ZNF717: variants seen among roughly 807,000 people sequenced by gnomAD.
The protein encoded by ZNF717 is krueppel-like factor X17.
ZNF717 carries 9 observed loss-of-function variants against 13.8 expected under a neutral mutation model. That is an observed-to-expected ratio of 0.65 (90% CI 0.39 to 1.14). The LOEUF (loss-of-function observed/expected upper bound fraction) is 1.14, where lower values mean the gene tolerates loss of function less well. Among genes scored for constraint, ZNF717 ranks in the 50% most tolerant of loss-of-function variants. ZNF717 has a pLI of 0.01. For missense variants in ZNF717, 1,040 were observed against 1,080.7 expected, an observed-to-expected ratio of 0.96 and a Z score of 0.53; for synonymous variants, 327 against 364.1, an observed-to-expected ratio of 0.90 and a Z score of 1.16.
intron 2 of ZNF717, among the ~76,000 whole-genome samples, chr3:75,777,213 T>C (rs1944386762): frequency 6.6e-6 from 1 of 152,192 alleles, no homozygotes; most frequent in Non-Finnish European, 1.5e-5. Flanking sequence ...CCCAAAACAA[T>C]GGGAGTGACA....
At chr3:75,733,855 A>G (rs112920597), downstream of ZNF717, among the ~76,000 whole-genome samples, 1,173 of 116,820 alleles carry the variant, frequency 0.01, no homozygotes, top group South Asian at 0.017. Context: ...ATGACATATT[A>G]AACATGCTGA....
intron 2 of ZNF717, among the ~76,000 whole-genome samples, chr3:75,755,227 A>G (rs200172122): frequency 6.6e-6 from 1 of 152,202 alleles, no homozygotes; most frequent in Non-Finnish European, 1.5e-5. Flanking sequence ...CAAAAGATAT[A>G]TAACTGAAAC....
chr3:75,741,763 T>G, intron 2 of ZNF717, 27 bp from the exon 3 acceptor site: 1 of 1,567,502 alleles, frequency 6.4e-7, no homozygotes, highest in Non-Finnish European at 8.6e-7. Context: ...CTGTTGTAGG[T>G]CTCCAGCATC....
intron 2 of ZNF717, among the ~76,000 whole-genome samples, chr3:75,742,946 T>A (rs1940664085): frequency 1.3e-5 from 2 of 152,220 alleles, no homozygotes; most frequent in South Asian, 2.1e-4. Flanking sequence ...TGATGAAACA[T>A]GTATATCACA....
rs150908232 is a variant in ZNF717, at chr3:75,779,522, C to T, written c.57+3784G>A. Among the ~76,000 whole-genome samples the T allele has an allele frequency of 9.7e-3, 1,448 of 149,478 alleles. 28 individuals carry two copies. The highest frequency in any genetic ancestry group is 0.035 in the African/African-American group (1,402 of 40,482). On this transcript the variant is annotated intron_variant, in intron 2 of 4. Coordinates refer to ENST00000652011, the MANE Select transcript of ZNF717 (RefSeq NM_001290208.3). ...GGAGTGACGTGCAAAAACCAGAACC[C>T]AAAACAATGGGAGTGTCCTGCTAAA... is the stretch of plus-strand genomic sequence containing the variant.
At chr3:75,704,528 C>T (rs1196035537) in intron 6 of ZNF717, among the ~76,000 whole-genome samples, 2 of 152,282 alleles carry the variant, frequency 1.3e-5, no homozygotes, top group Admixed American at 1.3e-4. Context: ...GTGAGAGACT[C>T]AGCCCCAAAA....
chr3:75,755,393 T>TG (rs1187563946), intron 2 of ZNF717, among the ~76,000 whole-genome samples: 4 of 151,950 alleles, frequency 2.6e-5, no homozygotes, highest in African/African-American at 9.7e-5. Context: ...GTGAAATGAG[T>TG]AACACTAATA....
At chr3:75,748,236 T>C (rs1407987265) in intron 2 of ZNF717, among the ~76,000 whole-genome samples, 1 of 152,118 alleles carries the variant, frequency 6.6e-6, no homozygotes, top group Non-Finnish European at 1.5e-5. Flanking sequence ...CCAGACGGAA[T>C]CACAGCTGAA....
chr3:75,711,449 CAGCTT>C lies in ZNF717; in HGVS notation n.668-138_668-134del, dbSNP rs1937935734. On this transcript the variant is annotated intron_variant and non_coding_transcript_variant, in intron 5 of 5. Coordinates refer to the ZNF717 transcript ENST00000491507. ...TTGATTAACAGTTTTATAAATCCAT[CAGCTT>C]ATTTATTTGAGCTCTGGAGATTTTT... 2.4e-5 allele frequency: 3 copies of C among 123,780 alleles called. No homozygotes were observed. In the South Asian group the frequency reaches 1.0e-3, roughly 42 times the overall value. 7.7% of individuals were successfully genotyped at this position (123,780 alleles called of 1,614,324 possible).
downstream of ZNF717, among the ~76,000 whole-genome samples, chr3:75,705,554 C>G (rs1365255403): frequency 6.6e-6 from 1 of 152,290 alleles, no homozygotes; most frequent in South Asian, 2.1e-4. Context: ...GTGTGCAACG[C>G]GTTATTAATT....
At chr3:75,709,445 T>G (rs1307652853), downstream of ZNF717, among the ~76,000 whole-genome samples, 1 of 152,170 alleles carries the variant, frequency 6.6e-6, no homozygotes, top group Non-Finnish European at 1.5e-5. Flanking sequence ...GGGGATTACA[T>G]TTCAACATGA....
At chr3:75,711,675 T>C (rs1232246512) in intron 5 of ZNF717, among the ~76,000 whole-genome samples, 1 of 151,968 alleles carries the variant, frequency 6.6e-6, no homozygotes, top group Non-Finnish European at 1.5e-5. Flanking sequence ...GATTAGAGGA[T>C]TGGGAGGTTG....
At chr3:75,703,284 A>C (rs1263207068) in intron 6 of ZNF717, among the ~76,000 whole-genome samples, 1 of 152,292 alleles carries the variant, frequency 6.6e-6, no homozygotes, top group Non-Finnish European at 1.5e-5. Flanking sequence ...TAATCCCAGC[A>C]ATTTGGGAGG....
At position 75,737,896 on chromosome 3, in the gene ZNF717, G is replaced by T; in HGVS notation, c.1727C>A (p.Ser576Ter). The change falls in exon 5 of 5, where the codon TCA becomes TAA. Residue 576 changes from serine to a stop codon, truncating the protein, a stop_gained. Transcript: ENST00000652011. LOFTEE classifies it low-confidence loss of function (END_TRUNC). ...AGTTCTCTGATGTATAGTTAGGAAT[G>T]ACTTACAGTGAAAGGATTTTCCACA... ...NECGKSFHCK[S>*]FLTIHQRTHA... 6.5e-7 allele frequency: 1 copy of T among 1,547,720 alleles called. No individual in the cohort carries two copies. Among genetic ancestry groups the T allele is most frequent in the East Asian group, 2.5e-5 (1 of 40,730 alleles).
chr3:75,740,545 C>T (rs147565502), intron 4 of ZNF717, among the ~76,000 whole-genome samples: 1 of 149,768 alleles, frequency 6.7e-6, no homozygotes, highest in African/African-American at 2.5e-5. Context: ...ACTGGGATTA[C>T]AAACCCTTGT....
chr3:75,724,309 T>A (rs1938232849), intron 4 of ZNF717, among the ~76,000 whole-genome samples: 2 of 152,096 alleles, frequency 1.3e-5, no homozygotes, highest in African/African-American at 4.8e-5. Flanking sequence ...GTCTTGTGTC[T>A]TTATTTCTAT....
chr3:75,736,769 C>G lies in ZNF717; in HGVS notation c.*109G>C. The G allele has an allele frequency of 8.2e-7, 1 of 1,224,528 alleles. No individual in the cohort carries two copies. Among genetic ancestry groups the G allele is most frequent in the Non-Finnish European group, 1.1e-6 (1 of 901,738 alleles). 75.9% of individuals were successfully genotyped at this position (1,224,528 alleles called of 1,614,324 possible). The stretch of plus-strand genomic sequence containing the variant: ...GACTTCTGTTACAGCATGGTTAAGA[C>G]CTTCTTGTTGGTAGGCCAGGAGGTA... On this transcript the variant is annotated 3_prime_UTR_variant, in exon 5 of 5. Coordinates refer to ENST00000652011, the MANE Select transcript of ZNF717 (RefSeq NM_001290208.3).
At position 75,737,274 on chromosome 3, in the gene ZNF717, C is replaced by T; in HGVS notation, c.2349G>A (p.Glu783=). ...LSTHQGTHSG[E]KPYECDECRK... The stretch of plus-strand genomic sequence containing the variant: ...TACATTCATCACATTCATAGGGTTT[C>T]TCTCCTGAGTGAGTCCCCTGATGCG... The change falls in exon 5 of 5, where the codon GAG becomes GAA. Residue 783 remains glutamate, a synonymous_variant. Transcript: ENST00000652011. The T allele has an allele frequency of 1.3e-6, 2 of 1,552,772 alleles. No individual in the cohort carries two copies. Among genetic ancestry groups the T allele is most frequent in the Non-Finnish European group, 1.7e-6 (2 of 1,147,734 alleles).
At chr3:75,755,666 T>G (rs1157469226) in intron 2 of ZNF717, among the ~76,000 whole-genome samples, 4 of 152,214 alleles carry the variant, frequency 2.6e-5, no homozygotes, top group Non-Finnish European at 5.9e-5. Context: ...AAAGTGGACT[T>G]GAATTGGTTG....
Sources: gnomAD v4.1 joint callset for allele counts (sites outside exome capture counted in the v4.1 genomes callset) on GRCh38, gnomAD v4.1.1 for gene constraint, MANE v1.5 for transcripts, NCBI Gene and HGNC (gene_info 2026-07-23, HGNC 2026-07-21) for gene names.